Variants in CA10 observed in about 807,000 individuals in gnomAD.
The protein encoded by CA10 is carbonic anhydrase-related protein 10.
A neutral mutation model predicts 44.2 loss-of-function variants in CA10; 14 were observed. That is an observed-to-expected ratio of 0.32 (90% confidence interval 0.21 to 0.50). The LOEUF is 0.50. Ranked by LOEUF, CA10 falls within the 20% of genes least tolerant of loss-of-function variation. The pLI, the probability that CA10 is intolerant of heterozygous loss-of-function variation, is 0.99. For missense variants in CA10, 350 were observed against 409.7 expected, an observed-to-expected ratio of 0.85 and a Z score of 1.26; for synonymous variants, 159 against 141.6, an observed-to-expected ratio of 1.12 and a Z score of -0.87.
chr17:51,704,965 T>TG (rs1257617857), intron 4 of CA10, among the ~76,000 whole-genome samples: 1 of 129,360 alleles, frequency 7.7e-6, no homozygotes, highest in African/African-American at 2.8e-5. Flanking sequence ...CGACTCTGTC[T>TG]AAAAAAAAAA....
At chr17:51,814,245 T>C (rs1907482502) in intron 3 of CA10, among the ~76,000 whole-genome samples, 1 of 152,216 alleles carries the variant, frequency 6.6e-6, no homozygotes, top group Non-Finnish European at 1.5e-5. Context: ...TCTTAAACTT[T>C]TATAACTCTT....
At chr17:52,039,253 C>A (rs1013564802) in intron 2 of CA10, among the ~76,000 whole-genome samples, 1 of 152,000 alleles carries the variant, frequency 6.6e-6, no homozygotes, top group African/African-American at 2.4e-5. Context: ...GGATGAGTAA[C>A]TTTTTCCTCT....
At chr17:51,837,601 T>C (rs1365357849) in intron 3 of CA10, among the ~76,000 whole-genome samples, 1 of 152,222 alleles carries the variant, frequency 6.6e-6, no homozygotes, top group East Asian at 1.9e-4. Flanking sequence ...TCTTTCCCAC[T>C]ATGCAATGTT....
intron 3 of CA10, among the ~76,000 whole-genome samples, chr17:51,860,971 A>C (rs1979277525): frequency 6.6e-6 from 1 of 152,202 alleles, no homozygotes; most frequent in African/African-American, 2.4e-5. Flanking sequence ...CCAAGGACAG[A>C]AACTGTACTC....
chr17:51,809,187 T>C (rs1423580204), intron 3 of CA10, among the ~76,000 whole-genome samples: 1 of 152,152 alleles, frequency 6.6e-6, no homozygotes, highest in Non-Finnish European at 1.5e-5. Flanking sequence ...TATTTTGACC[T>C]ATTGCTTATT....
chr17:51,920,076 AAATT>A (rs1307247315), intron 3 of CA10, among the ~76,000 whole-genome samples: 1 of 152,218 alleles, frequency 6.6e-6, no homozygotes, highest in Non-Finnish European at 1.5e-5. Flanking sequence ...ATCTGCCTAT[AAATT>A]AATTAAACAT....
At chr17:52,109,513 T>C (rs1988745055) in intron 1 of CA10, among the ~76,000 whole-genome samples, 1 of 152,216 alleles carries the variant, frequency 6.6e-6, no homozygotes, top group South Asian at 2.1e-4. Context: ...TAGAAGGCTG[T>C]AATCTTTCCC....
chr17:52,049,001 C>A (rs1196298153), intron 2 of CA10, among the ~76,000 whole-genome samples: 2 of 151,272 alleles, frequency 1.3e-5, no homozygotes, highest in African/African-American at 4.8e-5. Context: ...ATTCTGAAAG[C>A]CTGAAACCAC....
chr17:51,993,067 G>A (rs1023144545), intron 2 of CA10, among the ~76,000 whole-genome samples: 2 of 152,054 alleles, frequency 1.3e-5, no homozygotes, highest in African/African-American at 4.8e-5. Flanking sequence ...AAAGAATTAG[G>A]AAACAATAAG....
intron 3 of CA10, among the ~76,000 whole-genome samples, chr17:51,765,736 C>T (rs955008146): frequency 7.8e-4 from 72 of 92,814 alleles, no homozygotes; most frequent in African/African-American, 1.5e-3. Flanking sequence ...TGTGTGTGTG[C>T]ATGCATGTGT....
At chr17:52,063,100 T>G (rs1338164430) in intron 2 of CA10, among the ~76,000 whole-genome samples, 3 of 152,210 alleles carry the variant, frequency 2.0e-5, no homozygotes, top group Non-Finnish European at 4.4e-5. Flanking sequence ...GCTTTAAGAT[T>G]TAATGTCTGC....
intron 2 of CA10, among the ~76,000 whole-genome samples, chr17:51,935,245 A>T (rs1416321640): frequency 6.6e-6 from 1 of 152,002 alleles, no homozygotes; most frequent in Non-Finnish European, 1.5e-5. Context: ...ATATTGTTGA[A>T]TTTTTTTCTC....
At chr17:51,755,779 G>T (rs1337106875) in intron 3 of CA10, among the ~76,000 whole-genome samples, 2 of 152,160 alleles carry the variant, frequency 1.3e-5, no homozygotes, top group African/African-American at 4.8e-5. Flanking sequence ...GGTCGGCTAA[G>T]AATTCTACTC....
At chr17:51,880,304 T>C (rs567141777) in intron 3 of CA10, among the ~76,000 whole-genome samples, 1 of 152,070 alleles carries the variant, frequency 6.6e-6, no homozygotes, top group South Asian at 2.1e-4. Flanking sequence ...AGCAAAAAAA[T>C]ATTTTTTTTT....
chr17:51,735,982 T>A (rs78514143), intron 4 of CA10, among the ~76,000 whole-genome samples: 41 of 152,310 alleles, frequency 2.7e-4, no homozygotes, highest in African/African-American at 9.4e-4. Flanking sequence ...ATGGAAGCGT[T>A]CTAGACCATT....
intron 2 of CA10, among the ~76,000 whole-genome samples, chr17:51,954,899 A>C (rs9901489): frequency 0.14 from 21,273 of 152,226 alleles, 1,864 homozygotes; most frequent in South Asian, 0.31. Flanking sequence ...TTACAGCTCC[A>C]GAGGAAAGAA....
chr17:52,120,676 A>T (rs1172836028), intron 1 of CA10, among the ~76,000 whole-genome samples: 1 of 152,154 alleles, frequency 6.6e-6, no homozygotes, highest in African/African-American at 2.4e-5. Context: ...GGGCATGCCC[A>T]CAAGGGACTG....
At chr17:51,923,274 G>C (rs1982302039) in intron 3 of CA10, among the ~76,000 whole-genome samples, 1 of 152,056 alleles carries the variant, frequency 6.6e-6, no homozygotes, top group African/African-American at 2.4e-5. Context: ...TCCACCTTCT[G>C]CATATAGAGT....
chr17:52,084,927 T>C (rs1598206763), intron 1 of CA10, among the ~76,000 whole-genome samples: 1 of 152,282 alleles, frequency 6.6e-6, no homozygotes, highest in South Asian at 2.1e-4. Context: ...ATGCTATGCC[T>C]CTCCTCACCT....
Sources: allele counts gnomAD v4.1 joint callset (sites outside exome capture counted in the v4.1 genomes callset), GRCh38; gene constraint gnomAD v4.1.1; transcripts MANE v1.5; gene names NCBI Gene and HGNC (gene_info 2026-07-23, HGNC 2026-07-21).